The following FAT3 variants were observed in gnomAD, a reference collection of about 807,000 sequenced individuals.
The protein encoded by FAT3 is protocadherin Fat 3.
In FAT3, 95 loss-of-function variants were observed where a neutral mutation model predicts 310.2. The ratio of observed to expected loss-of-function variants is 0.31; its 90% CI spans 0.26 to 0.36. The LOEUF (loss-of-function observed/expected upper bound fraction) is 0.36, where lower values mean the gene tolerates loss of function less well. Ranked by LOEUF, FAT3 falls within the 10% of genes least tolerant of loss-of-function variation. FAT3 has a pLI of 1.00. For synonymous variants in FAT3, 2,314 were observed against 2,192.9 expected, an observed-to-expected ratio of 1.06 and a Z score of -1.54; for missense variants, 5,408 against 5,715.6, an observed-to-expected ratio of 0.95 and a Z score of 1.74.
intron 1 of FAT3, among the ~76,000 whole-genome samples, chr11:92,235,132 T>G (rs1416196974): frequency 6.6e-6 from 1 of 151,902 alleles, no homozygotes; most frequent in Non-Finnish European, 1.5e-5. Flanking sequence ...GAATCATACC[T>G]CTGACAATGT....
chr11:92,846,874 T>C (rs905721238), intron 19 of FAT3, among the ~76,000 whole-genome samples: 1 of 152,218 alleles, frequency 6.6e-6, no homozygotes, highest in Non-Finnish European at 1.5e-5. Context: ...AATTAAGCTA[T>C]AAAATGAAAT....
At chr11:92,452,725 G>A (rs1023664572) in intron 2 of FAT3, among the ~76,000 whole-genome samples, 1 of 152,082 alleles carries the variant, frequency 6.6e-6, no homozygotes, top group Non-Finnish European at 1.5e-5. Context: ...TGTATCATAA[G>A]CATCTGTGAC....
chr11:92,872,969 G>C (rs911014728), intron 22 of FAT3, among the ~76,000 whole-genome samples: 3 of 152,116 alleles, frequency 2.0e-5, no homozygotes, highest in Admixed American at 6.5e-5. Context: ...ATGGACTAGA[G>C]GTTTGGATGT....
intron 21 of FAT3, among the ~76,000 whole-genome samples, chr11:92,860,096 G>C (rs929759850): frequency 6.6e-6 from 1 of 152,144 alleles, no homozygotes; most frequent in Non-Finnish European, 1.5e-5. Flanking sequence ...CAGCTACTTG[G>C]GAGGCTGAGG....
chr11:92,793,810 G>A (rs1208275510), intron 9 of FAT3, among the ~76,000 whole-genome samples: 1 of 152,102 alleles, frequency 6.6e-6, no homozygotes, highest in Admixed American at 6.5e-5. Context: ...TCATGCCAGG[G>A]ATGGAAAGAC....
chr11:92,665,192 T>A lies in FAT3; in HGVS notation c.3608-32192T>A, dbSNP rs370161112. ...CAAAAATAAAGATTCCTTCAGAACC[T>A]CCCACAAATGCACGTTGGCATTTGG... On this transcript the variant is annotated intron_variant, in intron 3 of 27. Transcript: ENST00000525166. Among the ~76,000 whole-genome samples the A allele has an allele frequency of 1.1e-4, 17 of 152,286 alleles. No individual in the cohort carries two copies. The South Asian group carries it at 3.1e-3, about 28-fold the overall frequency.
At position 92,492,241 on chromosome 11, in the gene FAT3, T is replaced by TTCCATCCATCCA. The variant is rs58384100; in HGVS notation, c.3293-32355_3293-32344dup. Among the ~76,000 whole-genome samples, 118 of 148,848 alleles carry TTCCATCCATCCA rather than the reference T, an allele frequency of 7.9e-4. 1 individual carries two copies. Among genetic ancestry groups the TTCCATCCATCCA allele is most frequent in the East Asian group, 3.4e-3 (17 of 4,976 alleles). The stretch of plus-strand genomic sequence containing the variant: ...TGCTATTCATCAACTATATATATAT[T>TTCCATCCATCCA]TCCATCCATCCATCCATCCATCCAT... On this transcript the variant is annotated intron_variant, in intron 2 of 27. Coordinates refer to ENST00000525166, the MANE Select transcript of FAT3 (RefSeq NM_001367949.2).
chr11:92,411,737 C>A (rs537663151), intron 2 of FAT3, among the ~76,000 whole-genome samples: 3 of 151,496 alleles, frequency 2.0e-5, no homozygotes, highest in Non-Finnish European at 4.4e-5. Flanking sequence ...CCAACTCTTA[C>A]AATGAAAGAT....
chr11:92,321,806 A>T (rs1216915998), intron 1 of FAT3, among the ~76,000 whole-genome samples: 1 of 152,158 alleles, frequency 6.6e-6, no homozygotes, highest in Non-Finnish European at 1.5e-5. Flanking sequence ...ATTAAATCTA[A>T]ATGCAACCTT....
At chr11:92,263,123 A>C (rs1865625410) in intron 1 of FAT3, among the ~76,000 whole-genome samples, 1 of 151,880 alleles carries the variant, frequency 6.6e-6, no homozygotes, top group Admixed American at 6.6e-5. Context: ...TCCAGTATTC[A>C]CAGCTCAGTG....
Position 92,843,866 on chromosome 11 carries a change from G to T in FAT3, c.10567-68G>T, listed in dbSNP as rs182361621. 9.9e-6 allele frequency: 14 copies of T among 1,420,884 alleles called. No homozygotes were observed. In the African/African-American group the frequency reaches 1.9e-4, roughly 19 times the overall value. The allele number at this position is 1,420,884 out of a possible 1,614,324, so 88.0% of individuals were successfully genotyped here. ...AAAGGTACAGACGTCTTCTATCTGC[G>T]GGTTTTTAAAAACTTACTATGATTA... On this transcript the variant is annotated intron_variant, in intron 18 of 27. Transcript: ENST00000525166.
rs539217815 is a variant in FAT3, at chr11:92,261,889, TTTAA to T, written c.-18+36723_-18+36726del. On this transcript the variant is annotated intron_variant, in intron 1 of 27. Transcript: ENST00000525166. The stretch of plus-strand genomic sequence containing the variant: ...TTTAAAATTACCCATATTTGTGGCT[TTTAA>T]TTAATTATCTAATTAAATGTATTTT... Among the ~76,000 whole-genome samples, 3 of 152,234 alleles carry T rather than the reference TTTAA, an allele frequency of 2.0e-5. No individual in the cohort carries two copies. In the South Asian group the frequency reaches 6.2e-4, roughly 32 times the overall value.
intron 2 of FAT3, among the ~76,000 whole-genome samples, chr11:92,470,470 A>G (rs1256889410): frequency 6.6e-6 from 1 of 152,226 alleles, no homozygotes; most frequent in Non-Finnish European, 1.5e-5. Flanking sequence ...ATGAACATAG[A>G]AACCATATCC....
intron 3 of FAT3, among the ~76,000 whole-genome samples, chr11:92,589,898 T>C (rs992450365): frequency 1.3e-5 from 2 of 152,122 alleles, no homozygotes; most frequent in Non-Finnish European, 2.9e-5. Context: ...AACACTAGGC[T>C]GCTACTCATG....
intron 2 of FAT3, among the ~76,000 whole-genome samples, chr11:92,484,562 A>C (rs1952320867): frequency 6.6e-6 from 1 of 152,208 alleles, no homozygotes; most frequent in Non-Finnish European, 1.5e-5. Context: ...CTCCTCAGGG[A>C]AGGCAAAACA....
intron 3 of FAT3, among the ~76,000 whole-genome samples, chr11:92,637,672 G>A (rs1192757323): frequency 1.3e-5 from 2 of 152,184 alleles, no homozygotes; most frequent in Non-Finnish European, 2.9e-5. Context: ...GTAACTTCAT[G>A]ACTGTGTGCC....
chr11:92,320,874 A>G (rs1947597192), intron 1 of FAT3, among the ~76,000 whole-genome samples: 1 of 133,220 alleles, frequency 7.5e-6, no homozygotes, highest in Admixed American at 7.0e-5. Flanking sequence ...CATCTCAAAA[A>G]AAAAAAGGGG....
intron 2 of FAT3, among the ~76,000 whole-genome samples, chr11:92,418,665 G>A (rs1388668178): frequency 6.6e-6 from 1 of 151,928 alleles, no homozygotes; most frequent in Non-Finnish European, 1.5e-5. Context: ...TACCACTCTG[G>A]GGACCATGCC....
rs1046502588 is a variant in FAT3 at position 92,799,770 on chromosome 11, G to T, written c.6757G>T (p.Ala2253Ser). The T allele has an allele frequency of 2.5e-6, 4 of 1,612,592 alleles. No homozygotes were observed. The highest frequency in any genetic ancestry group is 3.4e-6 in the Non-Finnish European group (4 of 1,179,322). ...VSPLDYEVTS[A>S]YKLTIRASDA... ...CCCTTTGGATTATGAAGTTACATCT[G>T]CTTACAAGCTGACAATAAGAGCCAG... The change falls in exon 10 of 28, where the codon GCT becomes TCT. Residue 2253 changes from alanine (A) to serine (S), a missense_variant. Around this residue, in one of 5 missense-constraint regions of FAT3, gnomAD observed 4,588 missense variants for 4,809.8 expected, o/e 0.95. Transcript: ENST00000525166.
Sources: gnomAD v4.1 joint callset for allele counts (sites outside exome capture counted in the v4.1 genomes callset) on GRCh38, gnomAD v4.1.1 for gene constraint, gnomAD v4.1.1 regional missense constraint, MANE v1.5 for transcripts, NCBI Gene and HGNC (gene_info 2026-07-23, HGNC 2026-07-21) for gene names.